Variants in ADPGK observed in about 807,000 individuals in gnomAD.
The protein encoded by ADPGK is ADP dependent glucokinase, also known as ADP-dependent glucokinase.
A neutral mutation model predicts 42.4 loss-of-function variants in ADPGK; 26 were observed. The ratio of observed to expected loss-of-function variants is 0.61; its 90% CI spans 0.45 to 0.85. The LOEUF is 0.85. ADPGK is among the 40% of genes least tolerant of loss of function. The pLI, the probability that ADPGK is intolerant of heterozygous loss-of-function variation, is 0.00. For missense variants in ADPGK, 571 were observed against 627.0 expected, an observed-to-expected ratio of 0.91 and a Z score of 0.95; for synonymous variants, 267 against 252.6, an observed-to-expected ratio of 1.06 and a Z score of -0.54.
chr15:72,752,837 G>C lies in ADPGK; in HGVS notation c.998C>G (p.Thr333Ser), dbSNP rs771258841. The C allele has an allele frequency of 6.2e-7, 1 of 1,614,214 alleles. No individual in the cohort carries two copies. Among genetic ancestry groups the C allele is most frequent in the Non-Finnish European group, 8.5e-7 (1 of 1,180,036 alleles). ...AGAGTGAGGTCCAGAGGCTGACTGG[G>C]TGAGAAATAACAGCTCCTGTTCATT... ...GLNEQELLFL[T>S]QSASGPHSSL... The change falls in exon 7 of 7, where the codon ACC (threonine) becomes AGC (serine). Residue 333 changes from threonine to serine, a missense_variant. Transcript: ENST00000456471.
chr15:72,776,084 C>CA (rs557892165), intron 1 of ADPGK, among the ~76,000 whole-genome samples: 71 of 152,226 alleles, frequency 4.7e-4, no homozygotes, highest in African/African-American at 1.6e-3. Flanking sequence ...ACTTAATATA[C>CA]ATCAGTGGCA....
chr15:72,758,050 T>C, intron 4 of ADPGK: 4 of 1,602,910 alleles, frequency 2.5e-6, no homozygotes, highest in Non-Finnish European at 3.4e-6. Flanking sequence ...TGAAATTCTG[T>C]AACAGTGCCA....
intron 2 of ADPGK, among the ~76,000 whole-genome samples, chr15:72,773,893 G>A (rs2151089190): frequency 6.6e-6 from 1 of 152,308 alleles, no homozygotes; most frequent in South Asian, 2.1e-4. Context: ...TTTTGAGACA[G>A]GGTCACACCC....
chr15:72,769,536 A>G (rs1595798914), intron 3 of ADPGK, among the ~76,000 whole-genome samples: 2 of 152,272 alleles, frequency 1.3e-5, no homozygotes, highest in South Asian at 4.1e-4. Flanking sequence ...TAGCTAAGAC[A>G]GGGTTTCACC....
intron 4 of ADPGK, chr15:72,757,145 C>T (rs191117568): frequency 4.6e-5 from 7 of 152,514 alleles, no homozygotes; most frequent in Non-Finnish European, 8.8e-5. Context: ...GGGGCCACCA[C>T]TGTACCCTAA....
chr15:72,768,877 G>A (rs566230133), intron 3 of ADPGK, among the ~76,000 whole-genome samples: 1 of 151,978 alleles, frequency 6.6e-6, no homozygotes, highest in South Asian at 2.1e-4. Flanking sequence ...ACTCGGCTGA[G>A]GTGGGAGGAT....
chr15:72,779,294 G>A (rs1243365841), intron 1 of ADPGK, among the ~76,000 whole-genome samples: 10 of 147,008 alleles, frequency 6.8e-5, no homozygotes, highest in Non-Finnish European at 1.3e-4. Flanking sequence ...TGTTGCCCAG[G>A]CTGGAATGCA....
chr15:72,776,320 G>A (rs2066392250), intron 1 of ADPGK, among the ~76,000 whole-genome samples: 1 of 152,078 alleles, frequency 6.6e-6, no homozygotes, highest in Non-Finnish European at 1.5e-5. Flanking sequence ...CTTTATTCCT[G>A]CCTCTGCCTA....
rs151218294 is a variant in ADPGK at position 72,778,268 on chromosome 15, A to G, written c.234-3171T>C. Among the ~76,000 whole-genome samples, 316 of 152,260 alleles carry G rather than the reference A, an allele frequency of 2.1e-3. 2 individuals carry two copies. The highest frequency in any genetic ancestry group is 0.015 in the South Asian group (70 of 4,818). On this transcript the variant is annotated intron_variant, in intron 1 of 6. Coordinates refer to ENST00000456471, the MANE Select transcript of ADPGK (RefSeq NM_001365225.1). ...TGTCTCAAAAAAACACTGAACATCT[A>G]CTACATGCCGGATGCCAAACAAGTA...
At chr15:72,757,201 C>CTTTTTTTTTTTTTT (rs34450649) in intron 4 of ADPGK, 4 of 123,404 alleles carry the variant, frequency 3.2e-5, no homozygotes, top group African/African-American at 6.0e-5. Flanking sequence ...TTCTTTTTTC[C>CTTTTTTTTTTTTTT]TTTTTTTTTT....
intron 2 of ADPGK, among the ~76,000 whole-genome samples, chr15:72,774,386 G>A (rs1163297941): frequency 6.6e-6 from 1 of 152,132 alleles, no homozygotes; most frequent in Non-Finnish European, 1.5e-5. Context: ...ACTGGGGTGA[G>A]GTAGGAAGAG....
At chr15:72,777,869 C>T (rs1304611007) in intron 1 of ADPGK, among the ~76,000 whole-genome samples, 2 of 152,128 alleles carry the variant, frequency 1.3e-5, no homozygotes, top group Non-Finnish European at 2.9e-5. Flanking sequence ...CATTTTCCAT[C>T]CCTCACCTAA....
chr15:72,754,610 G>A (rs2066088978), intron 6 of ADPGK, among the ~76,000 whole-genome samples: 1 of 152,166 alleles, frequency 6.6e-6, no homozygotes, highest in Non-Finnish European at 1.5e-5. Flanking sequence ...CTGCAGCACT[G>A]TGTGTAACAG....
chr15:72,762,017 G>A (rs758612989), intron 3 of ADPGK, among the ~76,000 whole-genome samples: 55 of 151,720 alleles, frequency 3.6e-4, no homozygotes, highest in South Asian at 6.3e-4. Flanking sequence ...GATTACAGGC[G>A]CGTGCCACCA....
intron 3 of ADPGK, among the ~76,000 whole-genome samples, chr15:72,768,159 A>G (rs1232973844): frequency 6.6e-6 from 1 of 152,148 alleles, no homozygotes; most frequent in African/African-American, 2.4e-5. Flanking sequence ...AATAAATCCA[A>G]CAACTTAGAT....
At chr15:72,778,038 T>G (rs1486109856) in intron 1 of ADPGK, among the ~76,000 whole-genome samples, 2 of 151,930 alleles carry the variant, frequency 1.3e-5, no homozygotes, top group Non-Finnish European at 2.9e-5. Context: ...CACTTGAGCC[T>G]AGGAGTTCCA....
At chr15:72,783,113 A>AG in intron 1 of ADPGK, 4 of 684,152 alleles carry the variant, frequency 5.8e-6, no homozygotes, top group Non-Finnish European at 7.5e-6. Flanking sequence ...ATAGTGGGTA[A>AG]GGTCAAGTAT....
intron 4 of ADPGK, chr15:72,758,283 T>C: frequency 1.3e-6 from 1 of 743,352 alleles, no homozygotes; most frequent in South Asian, 1.5e-5. Flanking sequence ...CAAAGTGTTG[T>C]ATTCATTCCT....
intron 1 of ADPGK, among the ~76,000 whole-genome samples, chr15:72,778,187 T>C (rs1227857790): frequency 6.6e-6 from 1 of 152,168 alleles, no homozygotes; most frequent in East Asian, 1.9e-4. Context: ...AGGCAGAGGT[T>C]GCAGTGAACC....
Sources: allele counts gnomAD v4.1 joint callset (sites outside exome capture counted in the v4.1 genomes callset), GRCh38; gene constraint gnomAD v4.1.1; transcripts MANE v1.5; gene names NCBI Gene and HGNC (gene_info 2026-07-23, HGNC 2026-07-21).